The following ACACA variants were observed in gnomAD, a reference collection of about 807,000 sequenced individuals.
The protein encoded by ACACA is acetyl-CoA carboxylase 1.
Under a neutral mutation model 296.1 loss-of-function variants are expected in ACACA, and 103 were observed. The ratio of observed to expected loss-of-function variants is 0.35; its 90% CI spans 0.30 to 0.41. The LOEUF (loss-of-function observed/expected upper bound fraction) is 0.41, where lower values mean the gene tolerates loss of function less well. ACACA is among the 10% of genes least tolerant of loss of function. The pLI is 1.00. For synonymous variants in ACACA, 953 were observed against 1,038.6 expected (o/e 0.92, Z 1.58); for missense variants, 1,554 against 2,989.7 (o/e 0.52, Z 11.20).
At chr17:37,398,821 T>C (rs2051183871) in intron 1 of ACACA, among the ~76,000 whole-genome samples, 1 of 143,190 alleles carries the variant, frequency 7.0e-6, no homozygotes, top group Non-Finnish European at 1.5e-5. Flanking sequence ...TGACTTCAAG[T>C]GACCCACCCA....
chr17:37,203,268 C>T (rs1248912251), intron 33 of ACACA, among the ~76,000 whole-genome samples: 1 of 151,670 alleles, frequency 6.6e-6, no homozygotes, highest in African/African-American at 2.4e-5. Flanking sequence ...CTGAAAATGT[C>T]TTTGTAGATC....
In ACACA at chr17:37,206,881, T is replaced by TA. The variant is rs2078524956; in HGVS notation, c.3852-3dup. 6.2e-7 allele frequency: 1 copy of TA among 1,610,850 alleles called. No individual in the cohort carries two copies. The highest frequency in any genetic ancestry group is 1.3e-5 in the African/African-American group (1 of 74,832). ...CAGCCCATCACTTCATCAAAGATCC[T>TA]AAAAAATACAAGAGAAACACCCACC... On this transcript the variant is annotated splice_region_variant and splice_polypyrimidine_tract_variant and intron_variant, in intron 31 of 55. Coordinates refer to ENST00000616317, the MANE Select transcript of ACACA (RefSeq NM_198834.3).
At chr17:37,144,975 C>A (rs1357133537) in intron 45 of ACACA, among the ~76,000 whole-genome samples, 1 of 152,170 alleles carries the variant, frequency 6.6e-6, no homozygotes, top group Non-Finnish European at 1.5e-5. Context: ...ATTCTTATTT[C>A]TCTGGATAGA....
chr17:37,119,589 AACACACACACACACACACACAC>A (rs71368443), intron 50 of ACACA, among the ~76,000 whole-genome samples: 16 of 128,352 alleles, frequency 1.2e-4, no homozygotes, highest in South Asian at 2.8e-4. Context: ...TTTTCAACCA[AACACACACACACACACACACAC>A]ACACACACAC....
At chr17:37,221,091 T>TTTAA (rs1241311765) in intron 29 of ACACA, among the ~76,000 whole-genome samples, 10 of 152,340 alleles carry the variant, frequency 6.6e-5, no homozygotes, top group Admixed American at 5.9e-4. Flanking sequence ...GTATTTTCAT[T>TTTAA]TTAAAACAAA....
In ACACA at chr17:37,278,481, A is replaced by T. The variant is rs183871291; in HGVS notation, c.611-476T>A. 2.1e-4 allele frequency among the ~76,000 whole-genome samples: 32 copies of T among 152,372 alleles called. No homozygotes were observed. In the East Asian group the frequency reaches 5.2e-3, roughly 25 times the overall value. On this transcript the variant is annotated intron_variant, in intron 5 of 55. Coordinates refer to ENST00000616317, the MANE Select transcript of ACACA (RefSeq NM_198834.3). ...GCAAACTGGCTAAACAAGAAAGGTT[A>T]GTTACAGGAGTGTCTGGAAAGAGTT...
At chr17:37,140,803 G>A in intron 45 of ACACA, 1 of 203,768 alleles carries the variant, frequency 4.9e-6, no homozygotes, top group South Asian at 9.2e-5. Context: ...GGGTGGCAGT[G>A]CAGCCCCTGG....
chr17:37,356,199 C>G (rs1169116231), intron 1 of ACACA, among the ~76,000 whole-genome samples: 2 of 151,912 alleles, frequency 1.3e-5, no homozygotes, highest in African/African-American at 4.8e-5. Context: ...TAAATTGAAA[C>G]AAGCAAAAAA....
At chr17:37,092,547 T>G (rs1434713718) in intron 54 of ACACA, among the ~76,000 whole-genome samples, 1 of 152,254 alleles carries the variant, frequency 6.6e-6, no homozygotes, top group Non-Finnish European at 1.5e-5. Context: ...ACTAATTTTA[T>G]GTAGTAATTA....
chr17:37,345,648 C>T (rs910002929), intron 1 of ACACA, among the ~76,000 whole-genome samples: 7 of 151,956 alleles, frequency 4.6e-5, no homozygotes, highest in South Asian at 4.1e-4. Flanking sequence ...CTACAGGGGT[C>T]GAGGGGAGGG....
At chr17:37,389,255 C>T in intron 1 of ACACA, 1 of 1,587,262 alleles carries the variant, frequency 6.3e-7, no homozygotes, top group Non-Finnish European at 8.6e-7. Context: ...GTATCAATGC[C>T]TAGGAGCCAG....
chr17:37,312,680 A>T (rs2084212994), intron 3 of ACACA, among the ~76,000 whole-genome samples: 1 of 152,180 alleles, frequency 6.6e-6, no homozygotes, highest in Admixed American at 6.6e-5. Flanking sequence ...ATTGTAATAG[A>T]CTAGGCTAGA....
At chr17:37,306,202 C>T (rs1287683559) in intron 3 of ACACA, among the ~76,000 whole-genome samples, 1 of 152,070 alleles carries the variant, frequency 6.6e-6, no homozygotes, top group Non-Finnish European at 1.5e-5. Flanking sequence ...GCCACTGCAC[C>T]CGGCCAGCAG....
intron 3 of ACACA, among the ~76,000 whole-genome samples, chr17:37,313,187 T>A (rs1372763131): frequency 6.6e-6 from 1 of 151,994 alleles, no homozygotes; most frequent in Non-Finnish European, 1.5e-5. Context: ...GAATAGCTAA[T>A]GGATACTGGG....
Position 37,334,397 on chromosome 17 carries a change from A to G in ACACA, c.86-3972T>C, listed in dbSNP as rs151223805. Among the ~76,000 whole-genome samples, 283 of 152,248 alleles carry G rather than the reference A, an allele frequency of 1.9e-3. 1 individual carries two copies. The highest frequency in any genetic ancestry group is 6.4e-3 in the African/African-American group (267 of 41,538). ...AAAGGAACTATTCCACCCTGGTGAC[A>G]TGGTATTAGTCAAGTCCCTTCCCTC... On this transcript the variant is annotated intron_variant, in intron 2 of 55. Transcript: ENST00000616317.
At chr17:37,285,578 C>G (rs2082728834) in intron 3 of ACACA, among the ~76,000 whole-genome samples, 1 of 151,894 alleles carries the variant, frequency 6.6e-6, no homozygotes. Context: ...CTTTGGGAGG[C>G]TGAGATGAGA....
At chr17:37,284,212 CT>C (rs769325861) in intron 4 of ACACA, among the ~76,000 whole-genome samples, 3 of 152,336 alleles carry the variant, frequency 2.0e-5, no homozygotes, top group Non-Finnish European at 4.4e-5. Flanking sequence ...CCTGGAATCT[CT>C]AAGTATATCA....
chr17:37,168,862 A>C (rs2076782123), intron 41 of ACACA, among the ~76,000 whole-genome samples: 3 of 152,198 alleles, frequency 2.0e-5, no homozygotes, highest in Admixed American at 6.5e-5. Flanking sequence ...CTGATGGTTA[A>C]ATACATATTT....
At chr17:37,290,644 A>T (rs1240518864) in intron 3 of ACACA, among the ~76,000 whole-genome samples, 4 of 152,304 alleles carry the variant, frequency 2.6e-5, no homozygotes, top group Admixed American at 1.3e-4. Context: ...ATACTGCCTC[A>T]AGTTAACCTG....
Sources: gnomAD v4.1 joint callset for allele counts (sites outside exome capture counted in the v4.1 genomes callset) on GRCh38, gnomAD v4.1.1 for gene constraint, MANE v1.5 for transcripts, NCBI Gene and HGNC (gene_info 2026-07-23, HGNC 2026-07-21) for gene names.